TBL1XR1: variants seen among roughly 807,000 people sequenced by gnomAD.
TBL1XR1 encodes the protein F-box-like/WD repeat-containing protein TBL1XR1.
TBL1XR1 carries 5 observed loss-of-function variants against 66.9 expected under a neutral mutation model. The observed-to-expected ratio is 0.07, with a 90% CI of 0.04 to 0.16. TBL1XR1 has a LOEUF of 0.16. TBL1XR1 is among the 10% of genes least tolerant of loss of function. The pLI is 1.00. For synonymous variants in TBL1XR1, 210 were observed against 206.0 expected, an observed-to-expected ratio of 1.02 and a Z score of -0.17; for missense variants, 238 against 623.2, an observed-to-expected ratio of 0.38 and a Z score of 6.58.
intron 2 of TBL1XR1, among the ~76,000 whole-genome samples, chr3:177,083,632 T>A (rs140155605): frequency 0.011 from 1,746 of 152,242 alleles, 40 homozygotes; most frequent in African/African-American, 0.04. Flanking sequence ...AGAAAAAAAA[T>A]GAATATCCAC....
At chr3:177,199,841 A>G (rs1051322284), upstream of TBL1XR1, among the ~76,000 whole-genome samples, 1 of 152,192 alleles carries the variant, frequency 6.6e-6, no homozygotes, top group Non-Finnish European at 1.5e-5. Flanking sequence ...TTTACAAGAC[A>G]TTTCTGTGCG....
At chr3:177,034,390 T>A in intron 12 of TBL1XR1, 65 bp from the exon 13 acceptor site, 1 of 1,197,752 alleles carries the variant, frequency 8.3e-7, no homozygotes, top group Non-Finnish European at 1.1e-6. Flanking sequence ...AAAATATTAT[T>A]TTGACACTTA....
At chr3:177,036,918 G>A (rs1470428843) in intron 12 of TBL1XR1, among the ~76,000 whole-genome samples, 1 of 152,154 alleles carries the variant, frequency 6.6e-6, no homozygotes, top group Non-Finnish European at 1.5e-5. Context: ...GCAGGAGAGG[G>A]CTCAAAGCTT....
chr3:177,163,367 G>A (rs1250748409), intron 1 of TBL1XR1, among the ~76,000 whole-genome samples: 1 of 152,080 alleles, frequency 6.6e-6, no homozygotes, highest in Admixed American at 6.6e-5. Flanking sequence ...AAATTAGCCA[G>A]GCATGGTGGC....
At chr3:177,189,765 A>AT (rs780416592) in intron 1 of TBL1XR1, among the ~76,000 whole-genome samples, 35 of 152,040 alleles carry the variant, frequency 2.3e-4, no homozygotes, top group Non-Finnish European at 4.4e-4. Flanking sequence ...CTGAAGGGAG[A>AT]TGGTTAAGAG....
At chr3:177,162,764 C>T (rs1732377262) in intron 1 of TBL1XR1, among the ~76,000 whole-genome samples, 1 of 151,990 alleles carries the variant, frequency 6.6e-6, no homozygotes, top group East Asian at 1.9e-4. Context: ...TGGAAGTGCC[C>T]AAAATAAAAG....
chr3:177,201,777 C>G (rs1027654911), upstream of TBL1XR1: 1 of 152,166 alleles, frequency 6.6e-6, no homozygotes, highest in East Asian at 1.9e-4. Context: ...GCGTTTACCC[C>G]CAGGCGTCTT....
At chr3:177,045,988 T>C in intron 10 of TBL1XR1, 141 bp downstream of exon 10, 2 of 615,628 alleles carry the variant, frequency 3.2e-6, no homozygotes, top group Non-Finnish European at 5.5e-6. Context: ...CTGAATGTCA[T>C]GGAACATCAA....
intron 1 of TBL1XR1, among the ~76,000 whole-genome samples, chr3:177,154,339 A>C (rs1052738633): frequency 1.3e-5 from 2 of 152,222 alleles, no homozygotes; most frequent in Non-Finnish European, 2.9e-5. Context: ...GATAACATAA[A>C]AATTCTAAAT....
At position 177,021,822 on chromosome 3, in the gene TBL1XR1, T is replaced by C. The variant is rs1712415893; in HGVS notation, c.*3676A>G. On this transcript the variant is annotated 3_prime_UTR_variant, in exon 16 of 16. Transcript: ENST00000457928. ...ACAGTAGTAATTCACCATATGCAAGTACCATCCTTATCATGCGAGAATAAT... is the reference window on the plus strand; with the variant it reads ...ACAGTAGTAATTCACCATATGCAAGCACCATCCTTATCATGCGAGAATAAT... 1 of 152,606 alleles carries C rather than the reference T, an allele frequency of 6.6e-6. No homozygotes were observed. The highest frequency in any genetic ancestry group is 2.4e-5 in the African/African-American group (1 of 41,452). The allele number at this position is 152,606 out of a possible 1,614,324, so 9.5% of individuals were successfully genotyped here. A position where few individuals can be genotyped will look rare whatever the true frequency, so the allele number is the denominator to read the frequency against.
intron 1 of TBL1XR1, among the ~76,000 whole-genome samples, chr3:177,125,150 G>A (rs1727457163): frequency 6.6e-6 from 1 of 152,024 alleles, no homozygotes; most frequent in African/African-American, 2.4e-5. Context: ...CAGGACAAAA[G>A]TTGTGTAAAT....
At chr3:177,064,434 G>T (rs1008799743) in intron 3 of TBL1XR1, among the ~76,000 whole-genome samples, 4 of 152,108 alleles carry the variant, frequency 2.6e-5, no homozygotes, top group Admixed American at 2.6e-4. Context: ...GGCTTTCAAT[G>T]ATTTCTATTT....
At chr3:177,091,848 G>A (rs915220239) in intron 2 of TBL1XR1, among the ~76,000 whole-genome samples, 2 of 152,170 alleles carry the variant, frequency 1.3e-5, no homozygotes, top group African/African-American at 4.8e-5. Context: ...ACAAAGTAAC[G>A]AAATATCTGT....
At chr3:177,103,234 A>G (rs1045683164) in intron 1 of TBL1XR1, among the ~76,000 whole-genome samples, 3 of 152,208 alleles carry the variant, frequency 2.0e-5, no homozygotes, top group Non-Finnish European at 4.4e-5. Flanking sequence ...ATAAAGGTGG[A>G]TCTTCCATCA....
At chr3:177,196,429 G>C (rs1736856193) in intron 1 of TBL1XR1, 1 of 151,708 alleles carries the variant, frequency 6.6e-6, no homozygotes, top group African/African-American at 2.4e-5. Flanking sequence ...ACGATAAAAA[G>C]CACTAAGTTA....
chr3:177,129,798 A>G (rs1728067243), intron 1 of TBL1XR1, among the ~76,000 whole-genome samples: 1 of 152,186 alleles, frequency 6.6e-6, no homozygotes, highest in Non-Finnish European at 1.5e-5. Context: ...CTGGTGGTAG[A>G]AATATCAATA....
At chr3:177,171,540 A>C (rs917723688) in intron 1 of TBL1XR1, 1 of 149,052 alleles carries the variant, frequency 6.7e-6, no homozygotes, top group Non-Finnish European at 1.5e-5. Flanking sequence ...CTAAAAATAC[A>C]AAAAAAAATT....
At position 177,022,516 on chromosome 3, in the gene TBL1XR1, A is replaced by T. The variant is rs1021256173; in HGVS notation, c.*2982T>A. Reference sequence around the variant, plus strand: ...AAAAGATATTCCTTTATGTTGTTTAAAAGTGGCAGCTGCTCTTTCTTTATT... The same window carrying T: ...AAAAGATATTCCTTTATGTTGTTTATAAGTGGCAGCTGCTCTTTCTTTATT... On this transcript the variant is annotated 3_prime_UTR_variant, in exon 16 of 16. Coordinates refer to ENST00000457928, the MANE Select transcript of TBL1XR1 (RefSeq NM_024665.7). 4 of 152,554 alleles carry T rather than the reference A, an allele frequency of 2.6e-5. No homozygotes were observed. The highest frequency in any genetic ancestry group is 5.9e-5 in the Non-Finnish European group (4 of 67,970). 9.5% of individuals were successfully genotyped at this position (152,554 alleles called of 1,614,324 possible). A position where few individuals can be genotyped will look rare whatever the true frequency, so the allele number is the denominator to read the frequency against.
chr3:177,052,404 T>C (rs941406795), intron 4 of TBL1XR1, among the ~76,000 whole-genome samples: 1 of 152,206 alleles, frequency 6.6e-6, no homozygotes, highest in African/African-American at 2.4e-5. Context: ...GGTAAACATG[T>C]ACCAGTGACA....
Sources: gnomAD v4.1 joint callset for allele counts (sites outside exome capture counted in the v4.1 genomes callset) on GRCh38, gnomAD v4.1.1 for gene constraint, MANE v1.5 for transcripts, NCBI Gene and HGNC (gene_info 2026-07-23, HGNC 2026-07-21) for gene names.